The following IGFL2 variants were observed in gnomAD, a reference collection of about 807,000 sequenced individuals.
The protein encoded by IGFL2 is insulin growth factor-like family member 2.
In IGFL2, 7 loss-of-function variants were observed where a neutral mutation model predicts 13.9. That is an observed-to-expected ratio of 0.51 (90% CI 0.29 to 0.95). IGFL2 has a LOEUF of 0.95. Among genes scored for constraint, IGFL2 ranks in the 40% least tolerant of loss-of-function variants. The pLI is 0.08. For synonymous variants in IGFL2, 55 were observed against 55.8 expected (o/e 0.99, Z 0.07); for missense variants, 138 against 147.8 (o/e 0.93, Z 0.34).
the IGFL2 span, chr19:46,120,353 TGTTCCTATCACAG>T: frequency 5.6e-6 from 9 of 1,611,220 alleles, no homozygotes; most frequent in Admixed American, 1.5e-4. Flanking sequence ...ACGTGCCTCC[TGTTCCTATCACAG>T]TGCCCCAAAT....
the IGFL2 span, among the ~76,000 whole-genome samples, chr19:46,198,720 C>A: frequency 2.6e-5 from 4 of 152,192 alleles, no homozygotes; most frequent in Admixed American, 6.5e-5. Flanking sequence ...TCAGCCCCTT[C>A]AATTCTGATA....
chr19:46,109,101 T>C, the IGFL2 span, among the ~76,000 whole-genome samples: 1 of 152,194 alleles, frequency 6.6e-6, no homozygotes. Flanking sequence ...TGTGTCTGTA[T>C]GAAGAGACCA....
chr19:46,201,604 G>A, the IGFL2 span, among the ~76,000 whole-genome samples: 2 of 152,158 alleles, frequency 1.3e-5, no homozygotes, highest in Admixed American at 1.3e-4. Context: ...CACATGGCCC[G>A]CTATTATGTC....
At chr19:46,131,642 T>G in the IGFL2 span, among the ~76,000 whole-genome samples, 1 of 152,136 alleles carries the variant, frequency 6.6e-6, no homozygotes, top group Non-Finnish European at 1.5e-5. Flanking sequence ...ATTTTCAGTG[T>G]GAAAATAAAA....
upstream of IGFL2, among the ~76,000 whole-genome samples, chr19:46,142,490 C>T (rs551971866): frequency 8.2e-4 from 125 of 152,244 alleles, 1 homozygote; most frequent in Middle Eastern, 0.017. Context: ...GTAAGAAATA[C>T]GTTGCGTAAT....
chr19:46,129,482 C>T, the IGFL2 span, among the ~76,000 whole-genome samples: 23 of 151,960 alleles, frequency 1.5e-4, no homozygotes, highest in Non-Finnish European at 2.6e-4. Context: ...TTCTGACTCT[C>T]TGAAGTGGGC....
the IGFL2 span, among the ~76,000 whole-genome samples, chr19:46,210,590 C>T: frequency 6.6e-6 from 1 of 152,080 alleles, no homozygotes; most frequent in Non-Finnish European, 1.5e-5. Flanking sequence ...GTCTGATGTT[C>T]GAGGGAAGGA....
chr19:46,105,221 T>A, the IGFL2 span, among the ~76,000 whole-genome samples: 1 of 152,204 alleles, frequency 6.6e-6, no homozygotes, highest in African/African-American at 2.4e-5. Flanking sequence ...AACAGCATGA[T>A]GGTGCAGGAT....
the IGFL2 span, chr19:46,195,803 T>TCTTCCTGTCCTGGGCC: frequency 6.6e-6 from 1 of 152,214 alleles, no homozygotes. Context: ...GCTTCACACC[T>TCTTCCTGTCCTGGGCC]CTTCCGCTGT....
chr19:46,148,261 C>T lies in IGFL2; in HGVS notation c.-18C>T. 1 of 1,551,276 alleles carries T rather than the reference C, an allele frequency of 6.4e-7. No homozygotes were observed. The highest frequency in any genetic ancestry group is 2.4e-5 in the East Asian group (1 of 40,928). Reference sequence around the variant, plus strand: ...CCCATTTGCACTGCTGCTGTCCCATCAGCTGCTCTGAAGCTCCATGGTGCC... The same window carrying T: ...CCCATTTGCACTGCTGCTGTCCCATTAGCTGCTCTGAAGCTCCATGGTGCC... On this transcript the variant is annotated 5_prime_UTR_variant, in exon 1 of 4. Coordinates refer to ENST00000377693, the MANE Select transcript of IGFL2 (RefSeq NM_001135113.2).
At chr19:46,118,167 C>T in the IGFL2 span, among the ~76,000 whole-genome samples, 1 of 152,080 alleles carries the variant, frequency 6.6e-6, no homozygotes, top group African/African-American at 2.4e-5. Context: ...TAACATTAAA[C>T]CACCGATAGT....
chr19:46,141,691 C>T (rs1156934259), upstream of IGFL2, among the ~76,000 whole-genome samples: 2 of 152,072 alleles, frequency 1.3e-5, no homozygotes, highest in African/African-American at 2.4e-5. Context: ...CTCTTAGTTC[C>T]CTTCAGGGTT....
the IGFL2 span, among the ~76,000 whole-genome samples, chr19:46,184,669 G>A: frequency 9.9e-5 from 15 of 152,132 alleles, no homozygotes; most frequent in Non-Finnish European, 1.9e-4. Flanking sequence ...ATGGGCATTT[G>A]GGTTGGTTCC....
chr19:46,116,282 C>T, the IGFL2 span, among the ~76,000 whole-genome samples: 2 of 152,128 alleles, frequency 1.3e-5, no homozygotes, highest in Non-Finnish European at 2.9e-5. Context: ...AAAGAGCTCT[C>T]GTTGTCTTTC....
the IGFL2 span, among the ~76,000 whole-genome samples, chr19:46,185,837 C>T: frequency 6.6e-6 from 1 of 152,204 alleles, no homozygotes; most frequent in African/African-American, 2.4e-5. Context: ...GTCCCCTACA[C>T]ACACCTCGCA....
At chr19:46,125,756 C>T in the IGFL2 span, among the ~76,000 whole-genome samples, 1 of 152,186 alleles carries the variant, frequency 6.6e-6, no homozygotes, top group South Asian at 2.1e-4. Flanking sequence ...ACCCCGGAAC[C>T]TAAGAAGGCC....
At chr19:46,078,600 T>G in the IGFL2 span, among the ~76,000 whole-genome samples, 1 of 152,202 alleles carries the variant, frequency 6.6e-6, no homozygotes, top group Non-Finnish European at 1.5e-5. Context: ...CCATTATTTT[T>G]TGTAGGGGTT....
the IGFL2 span, chr19:46,120,330 T>C: frequency 6.2e-7 from 1 of 1,611,116 alleles, no homozygotes; most frequent in Admixed American, 1.7e-5. Context: ...CCTGGGGTTT[T>C]TATGGGTACA....
chr19:46,136,777 C>T, the IGFL2 span: 1 of 642,198 alleles, frequency 1.6e-6, no homozygotes, highest in Admixed American at 1.8e-5. Context: ...AGCTCTGTCT[C>T]TCCAACCCGT....
Sources: allele counts gnomAD v4.1 joint callset (sites outside exome capture counted in the v4.1 genomes callset), GRCh38; gene constraint gnomAD v4.1.1; transcripts MANE v1.5; gene names NCBI Gene and HGNC (gene_info 2026-07-23, HGNC 2026-07-21).